Variants in MAPT observed in about 807,000 individuals in gnomAD.
MAPT encodes microtubule associated protein tau.
MAPT carries 34 observed loss-of-function variants against 67.9 expected under a neutral mutation model. That is an observed-to-expected ratio of 0.50 (90% CI 0.38 to 0.67). The LOEUF is 0.67. Among genes scored for constraint, MAPT ranks in the 30% least tolerant of loss-of-function variants. MAPT has a pLI of 0.00. For synonymous variants in MAPT, 456 were observed against 464.5 expected, an observed-to-expected ratio of 0.98 and a Z score of 0.23; for missense variants, 881 against 1,115.2, an observed-to-expected ratio of 0.79 and a Z score of 2.99.
rs1277187538 is a variant in MAPT, at chr17:45,954,555, C to T, written c.-17-7766C>T. Among the ~76,000 whole-genome samples the T allele has an allele frequency of 3.3e-5, 5 of 152,124 alleles. No homozygotes were observed. In the East Asian group the frequency reaches 5.8e-4, roughly 18 times the overall value. ...GGAGGATCGCCTGAGCCCAGGAAGTCGAGGCTGCAGTGAGCTGTGATGGCA... is the reference window on the plus strand; with the variant it reads ...GGAGGATCGCCTGAGCCCAGGAAGTTGAGGCTGCAGTGAGCTGTGATGGCA... On this transcript the variant is annotated intron_variant, in intron 1 of 12. Coordinates refer to ENST00000262410, the MANE Select transcript of MAPT (RefSeq NM_001377265.1).
intron 1 of MAPT, among the ~76,000 whole-genome samples, chr17:45,933,679 G>A (rs1230712486): frequency 1.3e-5 from 2 of 152,128 alleles, no homozygotes; most frequent in Non-Finnish European, 2.9e-5. Flanking sequence ...ATCCTTTGGG[G>A]ACTGGGGAAA....
At chr17:45,944,181 C>T (rs904329309) in intron 1 of MAPT, among the ~76,000 whole-genome samples, 1 of 152,224 alleles carries the variant, frequency 6.6e-6, no homozygotes, top group African/African-American at 2.4e-5. Context: ...GGAGTGTCAT[C>T]ATCCCCATGT....
At chr17:45,948,075 C>T (rs2068685584) in intron 1 of MAPT, among the ~76,000 whole-genome samples, 1 of 151,170 alleles carries the variant, frequency 6.6e-6, no homozygotes, top group Non-Finnish European at 1.5e-5. Context: ...GGTGTGATCT[C>T]GGCTCACTGC....
chr17:45,987,181 T>A, intron 6 of MAPT, 86 bp downstream of exon 6: 4 of 1,278,282 alleles, frequency 3.1e-6, no homozygotes, highest in Non-Finnish European at 4.5e-6. Flanking sequence ...TCATATATAA[T>A]GTGGGGAGTA....
intron 1 of MAPT, among the ~76,000 whole-genome samples, chr17:45,953,800 C>G (rs1029123192): frequency 1.3e-5 from 2 of 152,136 alleles, no homozygotes; most frequent in African/African-American, 4.8e-5. Flanking sequence ...GAGAAATACC[C>G]TGAGCGAGCA....
chr17:45,928,730 C>T (rs955992566), intron 1 of MAPT, among the ~76,000 whole-genome samples: 2 of 152,248 alleles, frequency 1.3e-5, no homozygotes, highest in Non-Finnish European at 2.9e-5. Flanking sequence ...GAGTTTTGCT[C>T]TGTCACCCAG....
intron 1 of MAPT, among the ~76,000 whole-genome samples, chr17:45,938,098 A>G (rs12150230): frequency 0.14 from 21,833 of 152,228 alleles, 2,136 homozygotes; most frequent in Middle Eastern, 0.22. Context: ...AACTGTATTA[A>G]TTTTCTATTT....
At chr17:45,924,580 C>T (rs576572513) in intron 1 of MAPT, among the ~76,000 whole-genome samples, 54 of 152,348 alleles carry the variant, frequency 3.5e-4, no homozygotes, top group African/African-American at 8.7e-4. Flanking sequence ...TCCCTGACCA[C>T]GCAGCCCCTG....
chr17:45,946,598 T>TA (rs763910082), intron 1 of MAPT, among the ~76,000 whole-genome samples: 1,649 of 60,836 alleles, frequency 0.027, 80 homozygotes, highest in African/African-American at 0.049. Context: ...GACTCTGTCT[T>TA]AAAAAAAAAA....
intron 3 of MAPT, among the ~76,000 whole-genome samples, chr17:45,972,622 GA>G (rs1488507778): frequency 6.6e-6 from 1 of 152,154 alleles, no homozygotes; most frequent in Non-Finnish European, 1.5e-5. Flanking sequence ...CAGATGTCTA[GA>G]CTTGGCCAGC....
rs754513 is a variant in MAPT at position 45,978,272 on chromosome 17, T to A, written c.221-103T>A. 0.17 allele frequency: 154,590 copies of A among 914,596 alleles called. 15,945 individuals carry two copies. Among genetic ancestry groups the A allele is most frequent in the Non-Finnish European group, 0.22 (118,591 of 543,856 alleles). 56.7% of individuals were successfully genotyped at this position (914,596 alleles called of 1,614,324 possible). A position where few individuals can be genotyped will look rare whatever the true frequency, so the allele number is the denominator to read the frequency against. ...TGGTATTCTTGGGATGTGACTTTCCTGAATGTTTAAGGGAAAATGCCCGAA... is the reference window on the plus strand; with the variant it reads ...TGGTATTCTTGGGATGTGACTTTCCAGAATGTTTAAGGGAAAATGCCCGAA... On this transcript the variant is annotated intron_variant, in intron 3 of 12. Coordinates refer to ENST00000262410, the MANE Select transcript of MAPT (RefSeq NM_001377265.1).
chr17:46,014,433 A>C lies in MAPT; in HGVS notation c.2173+109A>C. On this transcript the variant is annotated intron_variant, in intron 11 of 12. Coordinates refer to ENST00000262410, the MANE Select transcript of MAPT (RefSeq NM_001377265.1). ...CAGAAGGGGCTGGAAAGGATATTTT[A>C]GGTAGACCTACATCAAGGAAAGTGT... 3.7e-6 allele frequency: 3 copies of C among 801,872 alleles called. No homozygotes were observed. The Middle Eastern group carries it at 7.6e-4, about 203-fold the overall frequency. The allele number at this position is 801,872 out of a possible 1,614,324, so 49.7% of individuals were successfully genotyped here.
Position 45,897,238 on chromosome 17 carries a change from A to G in MAPT, c.-18+2552A>G, listed in dbSNP as rs1214407474. 6.6e-6 allele frequency: 1 copy of G among 152,160 alleles called. No homozygotes were observed. Among genetic ancestry groups the G allele is most frequent in the Non-Finnish European group, 1.5e-5 (1 of 68,056 alleles). The allele number at this position is 152,160 out of a possible 1,614,324, so 9.4% of individuals were successfully genotyped here. On this transcript the variant is annotated intron_variant, in intron 1 of 12. Coordinates refer to ENST00000262410, the MANE Select transcript of MAPT (RefSeq NM_001377265.1). The surrounding 1 kb of genome is among the most constrained non-coding windows in gnomAD (Gnocchi z 5.0). ...TCTCGGGGTGGCCCCGGAAAAGGGGAGCCCGCGGCCACGGCTACGTATTGC... is the reference window on the plus strand; with the variant it reads ...TCTCGGGGTGGCCCCGGAAAAGGGGGGCCCGCGGCCACGGCTACGTATTGC...
At chr17:45,998,267 C>A (rs113718930) in intron 9 of MAPT, among the ~76,000 whole-genome samples, 1 of 152,198 alleles carries the variant, frequency 6.6e-6, no homozygotes, top group Non-Finnish European at 1.5e-5. Context: ...CCCCCCTGCC[C>A]CCGAACAAGC....
At position 45,983,512 on chromosome 17, in the gene MAPT, G is replaced by A; in HGVS notation, c.933G>A (p.Lys311=). ...CCCCCCAAGACTCCCCTCCCTCCAAGGCCTCCCCAGCCCAAGATGGGCGGC... is the reference window on the plus strand; with the variant it reads ...CCCCCCAAGACTCCCCTCCCTCCAAAGCCTCCCCAGCCCAAGATGGGCGGC... ...ESSPQDSPPS[K]ASPAQDGRPP... Residue 311 remains lysine, a synonymous_variant, in exon 5 of 13, where the codon AAG becomes AAA. Transcript: ENST00000262410. 1 of 1,612,764 alleles carries A rather than the reference G, an allele frequency of 6.2e-7. No individual in the cohort carries two copies.
intron 12 of MAPT, 126 bp downstream of exon 12, chr17:46,018,856 GT>G (rs2076349853): frequency 2.8e-6 from 2 of 726,252 alleles, no homozygotes; most frequent in African/African-American, 3.5e-5. Flanking sequence ...CTGGCTGGAT[GT>G]GGGCCCTCAG....
At chr17:45,920,536 C>A (rs1021965846) in intron 1 of MAPT, among the ~76,000 whole-genome samples, 8 of 152,180 alleles carry the variant, frequency 5.3e-5, no homozygotes, top group Admixed American at 6.5e-5. Flanking sequence ...GTCTCCTCTG[C>A]TGAGCCGTGC....
Position 45,983,504 on chromosome 17 carries a change from C to G in MAPT, c.925C>G (p.Pro309Ala), listed in dbSNP as rs867641771. Reference sequence around the variant, plus strand: ...TGAGTCCTCCCCCCAAGACTCCCCTCCCTCCAAGGCCTCCCCAGCCCAAGA... The same window carrying G: ...TGAGTCCTCCCCCCAAGACTCCCCTGCCTCCAAGGCCTCCCCAGCCCAAGA... ...VDESSPQDSP[P>A]SKASPAQDGR... The change falls in exon 5 of 13, where the codon CCC becomes GCC. Residue 309 changes from proline (P) to alanine (A), a missense_variant. Transcript: ENST00000262410. 6.2e-7 allele frequency: 1 copy of G among 1,612,398 alleles called. No individual in the cohort carries two copies. The highest frequency in any genetic ancestry group is 1.7e-5 in the Admixed American group (1 of 59,996).
intron 1 of MAPT, among the ~76,000 whole-genome samples, chr17:45,952,113 G>C (rs538926101): frequency 7.9e-5 from 12 of 152,096 alleles, no homozygotes; most frequent in African/African-American, 2.7e-4. Context: ...GTCTGGTCCA[G>C]GCTGCGTAGT....
Sources: allele counts gnomAD v4.1 joint callset (sites outside exome capture counted in the v4.1 genomes callset), GRCh38; gene constraint gnomAD v4.1.1; non-coding constraint Gnocchi (gnomAD v3.1); transcripts MANE v1.5; gene names NCBI Gene and HGNC (gene_info 2026-07-23, HGNC 2026-07-21).